TTPA: variants seen among roughly 807,000 people sequenced by gnomAD.
TTPA encodes the protein alpha tocopherol transfer protein, also known as alpha-tocopherol transfer protein.
In TTPA, 23 loss-of-function variants were observed where a neutral mutation model predicts 25.9. The ratio of observed to expected loss-of-function variants is 0.89; its 90% confidence interval spans 0.64 to 1.26. The LOEUF (loss-of-function observed/expected upper bound fraction) is 1.26. TTPA is among the 50% of genes most tolerant of loss of function. TTPA has a pLI of 0.00. For synonymous variants in TTPA, 148 were observed against 137.3 expected, an observed-to-expected ratio of 1.08 and a Z score of -0.54; for missense variants, 337 against 353.1, an observed-to-expected ratio of 0.95 and a Z score of 0.37.
Position 63,073,025 on chromosome 8 carries a change from T to C in TTPA, c.268A>G (p.Arg90Gly), listed in dbSNP as rs1805506509. ...GCCTTTAGGAGGCCAATAATACTTC[T>C]AGGGTGTAGATCTGCACTTATTTCT... ...CPEISADLHP[R>G]SIIGLLKAGY... Residue 90 changes from arginine to glycine, a missense_variant, in exon 2 of 5, where the codon AGA (arginine) becomes GGA (glycine). Arg to Gly is a moderately radical substitution (Grantham distance 125). Transcript: ENST00000260116. 6 of 1,613,662 alleles carry C rather than the reference T, an allele frequency of 3.7e-6. No individual in the cohort carries two copies. Among genetic ancestry groups the C allele is most frequent in the African/African-American group, 1.3e-5 (1 of 74,910 alleles).
chr8:63,065,657 A>G (rs1805377539), intron 3 of TTPA, among the ~76,000 whole-genome samples: 2 of 152,216 alleles, frequency 1.3e-5, no homozygotes, highest in Non-Finnish European at 2.9e-5. Context: ...AAGTCACCAC[A>G]TATTAAGATG....
intron 1 of TTPA, among the ~76,000 whole-genome samples, chr8:63,079,781 G>A (rs1805631748): frequency 6.6e-6 from 1 of 152,090 alleles, no homozygotes; most frequent in Non-Finnish European, 1.5e-5. Flanking sequence ...GGTTAACGAG[G>A]ATATCCAGGA....
intron 1 of TTPA, among the ~76,000 whole-genome samples, chr8:63,084,315 A>G (rs1187286450): frequency 3.9e-5 from 6 of 152,204 alleles, no homozygotes; most frequent in Non-Finnish European, 2.9e-5. Flanking sequence ...TTTATGCACA[A>G]AGTATGAGGA....
chr8:63,077,438 A>C (rs1198872169), intron 1 of TTPA, among the ~76,000 whole-genome samples: 1 of 152,220 alleles, frequency 6.6e-6, no homozygotes, highest in Non-Finnish European at 1.5e-5. Context: ...TACCGGGAAA[A>C]ACAGGACACT....
intron 4 of TTPA, among the ~76,000 whole-genome samples, chr8:63,061,925 G>A (rs7815030): frequency 0.026 from 3,892 of 152,208 alleles, 172 homozygotes; most frequent in African/African-American, 0.089. Flanking sequence ...AGAGACAGCC[G>A]GGTGCAGTGG....
chr8:63,067,741 A>G (rs1805416941), intron 2 of TTPA, among the ~76,000 whole-genome samples: 1 of 152,050 alleles, frequency 6.6e-6, no homozygotes, highest in Non-Finnish European at 1.5e-5. Context: ...ACCCAATAGG[A>G]AGTTTTTCAA....
chr8:63,080,923 C>A (rs1585695771), intron 1 of TTPA, among the ~76,000 whole-genome samples: 1 of 151,664 alleles, frequency 6.6e-6, no homozygotes, highest in Admixed American at 6.6e-5. Context: ...TGGACACATA[C>A]ACCCTCCCAA....
intron 1 of TTPA, among the ~76,000 whole-genome samples, chr8:63,079,779 A>T (rs957840062): frequency 2.2e-4 from 33 of 152,150 alleles, no homozygotes; most frequent in African/African-American, 7.7e-4. Context: ...AAGGTTAACG[A>T]GGATATCCAG....
At chr8:63,078,848 T>C (rs1805614187) in intron 1 of TTPA, among the ~76,000 whole-genome samples, 1 of 152,098 alleles carries the variant, frequency 6.6e-6, no homozygotes, top group Admixed American at 6.5e-5. Flanking sequence ...ACCACAAAGA[T>C]ACTCCTCGAG....
intron 1 of TTPA, among the ~76,000 whole-genome samples, chr8:63,073,704 A>G (rs766359349): frequency 2.0e-4 from 30 of 152,180 alleles, no homozygotes; most frequent in Non-Finnish European, 3.7e-4. Flanking sequence ...AAACAAATAA[A>G]TCATTGTGTT....
At chr8:63,083,845 T>C (rs576910179) in intron 1 of TTPA, among the ~76,000 whole-genome samples, 1 of 151,886 alleles carries the variant, frequency 6.6e-6, no homozygotes, top group Admixed American at 6.6e-5. Context: ...GGCAAAATCA[T>C]GTAATATCAG....
intron 1 of TTPA, among the ~76,000 whole-genome samples, chr8:63,077,784 T>G (rs1805587651): frequency 6.6e-6 from 1 of 152,188 alleles, no homozygotes; most frequent in Non-Finnish European, 1.5e-5. Context: ...AACGTCCCTG[T>G]CTGACAGTTC....
At chr8:63,068,563 G>C (rs1178224986) in intron 2 of TTPA, among the ~76,000 whole-genome samples, 1 of 152,208 alleles carries the variant, frequency 6.6e-6, no homozygotes, top group East Asian at 1.9e-4. Context: ...GAGGAACTGT[G>C]AGAAAATGTG....
Position 63,069,482 on chromosome 8 carries a change from C to A in TTPA, c.359-3385G>T, listed in dbSNP as rs60777591. On this transcript the variant is annotated intron_variant, in intron 2 of 4. Coordinates refer to ENST00000260116, the MANE Select transcript of TTPA (RefSeq NM_000370.3). Reference sequence around the variant, plus strand: ...CAGTGGTTCATGCCTAGAATCCCAGCACTTTGTGGGTCTGATGGGGGAGGA... The same window carrying A: ...CAGTGGTTCATGCCTAGAATCCCAGAACTTTGTGGGTCTGATGGGGGAGGA... Among the ~76,000 whole-genome samples the A allele has an allele frequency of 5.0e-3, 758 of 152,152 alleles. 8 individuals are homozygous for A. Among genetic ancestry groups the A allele is most frequent in the African/African-American group, 0.017 (719 of 41,504 alleles).
chr8:63,064,623 A>G (rs565309438), intron 3 of TTPA, among the ~76,000 whole-genome samples: 1 of 152,304 alleles, frequency 6.6e-6, no homozygotes, highest in Admixed American at 6.5e-5. Context: ...CGAACCAATG[A>G]GTCATTTGGA....
intron 3 of TTPA, among the ~76,000 whole-genome samples, 172 bp downstream of exon 3, chr8:63,065,732 T>A (rs1476487835): frequency 6.6e-6 from 1 of 152,256 alleles, no homozygotes; most frequent in East Asian, 1.9e-4. Flanking sequence ...TTTTCTTTTA[T>A]AAACTAATAA....
chr8:63,082,948 C>T (rs1356680197), intron 1 of TTPA, among the ~76,000 whole-genome samples: 4 of 152,174 alleles, frequency 2.6e-5, no homozygotes, highest in African/African-American at 9.7e-5. Context: ...TACTATCTCA[C>T]GCCAGTTAGA....
chr8:63,073,052 G>A lies in TTPA; in HGVS notation c.241C>T (p.Pro81Ser), dbSNP rs1388260992. Residue 81 changes from proline to serine, a missense_variant, in exon 2 of 5, where the codon CCA (proline) becomes TCA (serine). Pro to Ser is a moderately conservative substitution (Grantham distance 74). Transcript: ENST00000260116. ...GGGTGTAGATCTGCACTTATTTCTG[G>A]ACATTCTGCTCTCCACTTATAATAG... is the stretch of plus-strand genomic sequence containing the variant. ...KNYYKWRAEC[P>S]EISADLHPRS... is the part of the protein sequence containing the mutation. 1 of 1,505,682 alleles carries A rather than the reference G, an allele frequency of 6.6e-7. No individual in the cohort carries two copies. The highest frequency in any genetic ancestry group is 8.9e-7 in the Non-Finnish European group (1 of 1,120,980). 93.3% of individuals were successfully genotyped at this position (1,505,682 alleles called of 1,614,324 possible).
In TTPA at chr8:63,086,033, C is replaced by G. The variant is rs987756613; in HGVS notation, c.-12G>C. On this transcript the variant is annotated 5_prime_UTR_variant, in exon 1 of 5. Transcript: ENST00000260116. ...CGCGCCTCTGCCATGCCCGCCGCCGCTGCTGCGGCCGCAGCTACCCGGGCA... is the reference window on the plus strand; with the variant it reads ...CGCGCCTCTGCCATGCCCGCCGCCGGTGCTGCGGCCGCAGCTACCCGGGCA... 6 of 1,406,020 alleles carry G rather than the reference C, an allele frequency of 4.3e-6. No homozygotes were observed. The highest frequency in any genetic ancestry group is 5.6e-6 in the Non-Finnish European group (6 of 1,080,250). 87.1% of individuals were successfully genotyped at this position (1,406,020 alleles called of 1,614,324 possible).
Sources: gnomAD v4.1 joint callset for allele counts (sites outside exome capture counted in the v4.1 genomes callset) on GRCh38, gnomAD v4.1.1 for gene constraint, MANE v1.5 for transcripts, NCBI Gene and HGNC (gene_info 2026-07-23, HGNC 2026-07-21) for gene names.